The following GALNT13 variants were observed in gnomAD, a reference collection of about 807,000 sequenced individuals.
The protein encoded by GALNT13 is polypeptide N-acetylgalactosaminyltransferase 13.
GALNT13 carries 28 observed loss-of-function variants against 64.2 expected under a neutral mutation model. That is an observed-to-expected ratio of 0.44 (90% CI 0.32 to 0.60). The LOEUF (loss-of-function observed/expected upper bound fraction) is 0.60, where lower values mean the gene tolerates loss of function less well. Ranked by LOEUF, GALNT13 falls within the 20% of genes least tolerant of loss-of-function variation. GALNT13 has a pLI of 0.05. For synonymous variants in GALNT13, 214 were observed against 224.6 expected (o/e 0.95, Z 0.42); for missense variants, 577 against 669.8 (o/e 0.86, Z 1.53).
rs542270056 is a variant in GALNT13 at position 154,072,960 on chromosome 2, CA to C, written c.143-67374del. Among the ~76,000 whole-genome samples the C allele has an allele frequency of 9.9e-5, 15 of 152,094 alleles. No individual in the cohort carries two copies. In the East Asian group the frequency reaches 2.7e-3, roughly 27 times the overall value. ...TAATGTGGCCTATGTCAGCGATTCT[CA>C]AATTGTGATGTATCCCTTAAACCCT... On this transcript the variant is annotated intron_variant, in intron 3 of 12. Coordinates refer to ENST00000392825, the MANE Select transcript of GALNT13 (RefSeq NM_052917.4).
chr2:153,525,948 G>A, the GALNT13 span, among the ~76,000 whole-genome samples: 5 of 152,356 alleles, frequency 3.3e-5, no homozygotes, highest in South Asian at 4.1e-4. Context: ...GGTGGAAGCC[G>A]CAGATGAGGC....
At chr2:154,031,029 T>C (rs1698303197) in intron 3 of GALNT13, among the ~76,000 whole-genome samples, 1 of 152,180 alleles carries the variant, frequency 6.6e-6, no homozygotes, top group African/African-American at 2.4e-5. Context: ...TCTCATATTT[T>C]TAGTTGCTCT....
the GALNT13 span, among the ~76,000 whole-genome samples, chr2:153,551,843 T>G: frequency 6.6e-6 from 1 of 152,158 alleles, no homozygotes; most frequent in Admixed American, 6.5e-5. Flanking sequence ...ATGTAAGTTT[T>G]AGAGTCATTA....
the GALNT13 span, among the ~76,000 whole-genome samples, chr2:153,223,284 A>G: frequency 7.9e-5 from 12 of 152,322 alleles, no homozygotes; most frequent in Non-Finnish European, 1.6e-4. Flanking sequence ...CAGGCAGAAA[A>G]CAAGGATATA....
chr2:153,600,014 C>T, the GALNT13 span, among the ~76,000 whole-genome samples: 2 of 151,962 alleles, frequency 1.3e-5, no homozygotes, highest in Non-Finnish European at 2.9e-5. Flanking sequence ...TCCTCATCTT[C>T]ACTCTACTGC....
chr2:154,113,738 G>T (rs1242811218), intron 3 of GALNT13, among the ~76,000 whole-genome samples: 1 of 152,202 alleles, frequency 6.6e-6, no homozygotes, highest in African/African-American at 2.4e-5. Flanking sequence ...TTGCAGAAGT[G>T]AAGTGATCAT....
chr2:153,365,608 GA>G, the GALNT13 span, among the ~76,000 whole-genome samples: 11 of 152,148 alleles, frequency 7.2e-5, no homozygotes, highest in South Asian at 8.3e-4. Context: ...CTTCTCAAAA[GA>G]AGACATTCAT....
At chr2:154,438,856 C>T in intron 12 of GALNT13, 130 bp downstream of exon 12, 2 of 707,794 alleles carry the variant, frequency 2.8e-6, no homozygotes, top group Non-Finnish European at 4.5e-6. Context: ...CATGCAGGCT[C>T]ATATCCGGTA....
intron 9 of GALNT13, among the ~76,000 whole-genome samples, chr2:154,343,894 C>A (rs1163836277): frequency 6.6e-6 from 1 of 151,980 alleles, no homozygotes; most frequent in Admixed American, 6.6e-5. Flanking sequence ...ACTAATTGAA[C>A]CCCTAAGAAG....
the GALNT13 span, among the ~76,000 whole-genome samples, chr2:153,288,867 A>G: frequency 6.6e-6 from 1 of 152,208 alleles, no homozygotes; most frequent in African/African-American, 2.4e-5. Flanking sequence ...AGAAGGGGCT[A>G]CTGTACTTAA....
chr2:154,256,864 T>C (rs909345271), intron 7 of GALNT13, among the ~76,000 whole-genome samples: 1 of 152,134 alleles, frequency 6.6e-6, no homozygotes, highest in African/African-American at 2.4e-5. Flanking sequence ...GCAAATAATT[T>C]CAGTTAATTT....
At chr2:154,417,138 G>C (rs1165464628) in intron 11 of GALNT13, among the ~76,000 whole-genome samples, 2 of 151,810 alleles carry the variant, frequency 1.3e-5, no homozygotes, top group Admixed American at 6.6e-5. Context: ...AGCCTTGATT[G>C]CCTCAGACTT....
At chr2:153,668,746 G>A in the GALNT13 span, among the ~76,000 whole-genome samples, 2 of 152,024 alleles carry the variant, frequency 1.3e-5, no homozygotes, top group Non-Finnish European at 2.9e-5. Context: ...TGGATTCCTG[G>A]CAGCAGTGCA....
At chr2:153,350,603 G>A in the GALNT13 span, among the ~76,000 whole-genome samples, 1 of 151,836 alleles carries the variant, frequency 6.6e-6, no homozygotes, top group African/African-American at 2.4e-5. Flanking sequence ...GGCTGGTCTC[G>A]AACTCCTGAC....
At chr2:153,622,166 G>A in the GALNT13 span, among the ~76,000 whole-genome samples, 28 of 152,032 alleles carry the variant, frequency 1.8e-4, no homozygotes, top group African/African-American at 6.5e-4. Flanking sequence ...GTAGGTTCTG[G>A]CATGTTAGCT....
the GALNT13 span, among the ~76,000 whole-genome samples, chr2:153,498,099 C>T: frequency 2.0e-5 from 3 of 152,062 alleles, no homozygotes; most frequent in Non-Finnish European, 4.4e-5. Flanking sequence ...GGAGAGTAAA[C>T]AAATAGATCA....
At chr2:153,696,529 C>T in the GALNT13 span, among the ~76,000 whole-genome samples, 4 of 152,034 alleles carry the variant, frequency 2.6e-5, no homozygotes, top group African/African-American at 9.7e-5. Flanking sequence ...TAAGTTTTTT[C>T]CTATACATAC....
chr2:153,334,874 T>C, the GALNT13 span, among the ~76,000 whole-genome samples: 1 of 152,158 alleles, frequency 6.6e-6, no homozygotes. Flanking sequence ...ACAAGTGATA[T>C]GGTTTGGCTG....
the GALNT13 span, among the ~76,000 whole-genome samples, chr2:153,705,984 A>C: frequency 6.6e-6 from 1 of 152,142 alleles, no homozygotes; most frequent in Non-Finnish European, 1.5e-5. Context: ...CTTTGTATTG[A>C]GGACTATATA....
Sources: gnomAD v4.1 joint callset for allele counts (sites outside exome capture counted in the v4.1 genomes callset) on GRCh38, gnomAD v4.1.1 for gene constraint, MANE v1.5 for transcripts, NCBI Gene and HGNC (gene_info 2026-07-23, HGNC 2026-07-21) for gene names.